The following RIPOR2 variants were observed in gnomAD, a reference collection of about 807,000 sequenced individuals.
RIPOR2 encodes rho family-interacting cell polarization regulator 2.
RIPOR2 carries 39 observed loss-of-function variants against 114.5 expected under a neutral mutation model. That is an observed-to-expected ratio of 0.34 (90% CI 0.26 to 0.44). RIPOR2 has a LOEUF of 0.44. RIPOR2 is among the 20% of genes least tolerant of loss of function. The probability of loss-of-function intolerance (pLI) is 1.00; values close to 1 mark genes in which losing one functional copy is unlikely to be tolerated. For synonymous variants in RIPOR2, 445 were observed against 484.4 expected, an observed-to-expected ratio of 0.92 and a Z score of 1.07; for missense variants, 1,007 against 1,255.1, an observed-to-expected ratio of 0.80 and a Z score of 2.99.
chr6:25,007,505 T>TATGTACATAATAAGCAAGATATGATCAA (rs1380513089), intron 1 of RIPOR2, among the ~76,000 whole-genome samples: 1 of 152,232 alleles, frequency 6.6e-6, no homozygotes, highest in East Asian at 1.9e-4. Context: ...GGGTTTTCCC[T>TATGTACATAATAAGCAAGATATGATCAA]ATGTACATAA....
chr6:25,005,738 T>TACACACATAC (rs1554130559), intron 1 of RIPOR2, among the ~76,000 whole-genome samples: 9 of 70,700 alleles, frequency 1.3e-4, no homozygotes, highest in African/African-American at 3.7e-4. Flanking sequence ...TATATATATA[T>TACACACATAC]ATACATTTAC....
intron 1 of RIPOR2, among the ~76,000 whole-genome samples, chr6:24,933,248 TTA>T (rs1771534128): frequency 6.6e-6 from 1 of 152,228 alleles, no homozygotes; most frequent in Non-Finnish European, 1.5e-5. Flanking sequence ...TTCATATGTA[TTA>T]AGTACTGACC....
chr6:24,976,697 A>G (rs1353911439), intron 1 of RIPOR2: 1 of 1,608,140 alleles, frequency 6.2e-7, no homozygotes. Flanking sequence ...ACACGCCATA[A>G]TGGCACTGGT....
At chr6:24,830,803 C>T in intron 16 of RIPOR2, 133 bp from the exon 17 acceptor site, 1 of 886,836 alleles carries the variant, frequency 1.1e-6, no homozygotes, top group Non-Finnish European at 1.7e-6. Context: ...GGAACTTCCG[C>T]CTCCTGGGTT....
intron 1 of RIPOR2, among the ~76,000 whole-genome samples, chr6:24,974,305 G>T (rs1773932371): frequency 6.6e-6 from 1 of 152,166 alleles, no homozygotes. Context: ...AGGAGTTCCA[G>T]GCTGCAGTGA....
intron 1 of RIPOR2, among the ~76,000 whole-genome samples, chr6:24,915,197 G>T (rs1769974724): frequency 2.0e-5 from 3 of 152,078 alleles, no homozygotes; most frequent in African/African-American, 7.2e-5. Context: ...TAGGCACTTG[G>T]CCACCCAGAT....
chr6:24,920,055 T>A (rs1770366041), intron 1 of RIPOR2, among the ~76,000 whole-genome samples: 1 of 152,228 alleles, frequency 6.6e-6, no homozygotes, highest in South Asian at 2.1e-4. Context: ...TGATTGAAGA[T>A]ATAACCTGTG....
intron 1 of RIPOR2, among the ~76,000 whole-genome samples, chr6:24,977,492 T>C (rs1220696670): frequency 1.3e-5 from 2 of 152,264 alleles, no homozygotes; most frequent in Non-Finnish European, 2.9e-5. Context: ...TTCTATCAGA[T>C]ACATAACAGG....
intron 1 of RIPOR2, among the ~76,000 whole-genome samples, chr6:24,879,735 T>G (rs142477178): frequency 5.9e-5 from 9 of 152,312 alleles, no homozygotes; most frequent in African/African-American, 2.2e-4. Context: ...TCTTCCAGCT[T>G]CCCCAGCTCT....
chr6:24,853,635 C>T (rs1014295533), intron 8 of RIPOR2, among the ~76,000 whole-genome samples: 7 of 152,138 alleles, frequency 4.6e-5, no homozygotes, highest in African/African-American at 1.7e-4. Context: ...ATTTACTTAA[C>T]CCAAGTTTCT....
At chr6:24,894,176 C>T (rs1431541065) in intron 1 of RIPOR2, among the ~76,000 whole-genome samples, 71 of 152,216 alleles carry the variant, frequency 4.7e-4, no homozygotes, top group Non-Finnish European at 8.8e-5. Context: ...CAAAGAAACA[C>T]CTTGATTGAC....
At chr6:24,914,934 C>T (rs1175360491) in intron 1 of RIPOR2, among the ~76,000 whole-genome samples, 1 of 152,196 alleles carries the variant, frequency 6.6e-6, no homozygotes, top group Non-Finnish European at 1.5e-5. Context: ...TACCTACCGA[C>T]CCTTATCTAT....
chr6:24,820,097 A>G (rs1759544467), intron 19 of RIPOR2, among the ~76,000 whole-genome samples: 1 of 152,128 alleles, frequency 6.6e-6, no homozygotes, highest in Admixed American at 6.6e-5. Context: ...CAATGGCACA[A>G]ACTTGGCTCA....
At chr6:24,987,633 A>G (rs1181145619) in intron 1 of RIPOR2, among the ~76,000 whole-genome samples, 1 of 152,226 alleles carries the variant, frequency 6.6e-6, no homozygotes, top group African/African-American at 2.4e-5. Context: ...TGGAAGGTCC[A>G]CACTACGTAA....
intron 1 of RIPOR2, among the ~76,000 whole-genome samples, chr6:24,966,474 G>A (rs1773535330): frequency 6.6e-6 from 1 of 152,124 alleles, no homozygotes; most frequent in African/African-American, 2.4e-5. Flanking sequence ...TCCTATATCA[G>A]ACAGCTGGGA....
At chr6:24,889,416 C>T (rs912597093) in intron 1 of RIPOR2, among the ~76,000 whole-genome samples, 4 of 152,044 alleles carry the variant, frequency 2.6e-5, no homozygotes, top group African/African-American at 7.2e-5. Context: ...CTATAAGTGA[C>T]GATGTGTTCT....
intron 2 of RIPOR2, among the ~76,000 whole-genome samples, chr6:24,875,076 C>T (rs78793562): frequency 2.4e-3 from 370 of 152,274 alleles, no homozygotes; most frequent in African/African-American, 8.2e-3. Context: ...GTTAGTTATT[C>T]GTTATACTCT....
intron 1 of RIPOR2, among the ~76,000 whole-genome samples, chr6:24,969,264 G>A (rs1284907001): frequency 6.6e-6 from 1 of 152,182 alleles, no homozygotes; most frequent in Non-Finnish European, 1.5e-5. Flanking sequence ...GCTATTCAGA[G>A]TGGTCCAAGG....
chr6:25,005,730 T>C (rs1253417120), intron 1 of RIPOR2, among the ~76,000 whole-genome samples: 15 of 109,356 alleles, frequency 1.4e-4, no homozygotes, highest in African/African-American at 4.4e-4. Context: ...TATATATATA[T>C]ATATATATAT....
Sources: gnomAD v4.1 joint callset for allele counts (sites outside exome capture counted in the v4.1 genomes callset) on GRCh38, gnomAD v4.1.1 for gene constraint, MANE v1.5 for transcripts, NCBI Gene and HGNC (gene_info 2026-07-23, HGNC 2026-07-21) for gene names.